Variants in ATRNL1 observed in about 807,000 individuals in gnomAD.
The protein encoded by ATRNL1 is attractin like 1.
A neutral mutation model predicts 182.7 loss-of-function variants in ATRNL1; 95 were observed. The ratio of observed to expected loss-of-function variants is 0.52; its 90% CI spans 0.44 to 0.62. The LOEUF is 0.62. Among genes scored for constraint, ATRNL1 ranks in the 20% least tolerant of loss-of-function variants. ATRNL1 has a pLI of 0.00. For missense variants in ATRNL1, 1,471 were observed against 1,679.5 expected (o/e 0.88, Z 2.17); for synonymous variants, 576 against 568.3 (o/e 1.01, Z -0.19).
chr10:115,200,990 A>AT (rs1239383357), intron 8 of ATRNL1, among the ~76,000 whole-genome samples: 3 of 148,390 alleles, frequency 2.0e-5, no homozygotes, highest in Non-Finnish European at 4.5e-5. Flanking sequence ...GATGATGAGC[A>AT]TTTTTTCATG....
intron 24 of ATRNL1, among the ~76,000 whole-genome samples, chr10:115,493,649 T>C (rs896804302): frequency 5.3e-5 from 8 of 152,196 alleles, no homozygotes; most frequent in African/African-American, 1.4e-4. Flanking sequence ...GATTGCTGGG[T>C]TGAATGGTAG....
At chr10:115,720,549 GTTAATA>G (rs1414367071) in intron 26 of ATRNL1, among the ~76,000 whole-genome samples, 2 of 152,110 alleles carry the variant, frequency 1.3e-5, no homozygotes, top group Non-Finnish European at 2.9e-5. Flanking sequence ...CCCTGCTCTT[GTTAATA>G]TTGACAATTT....
chr10:115,638,173 A>G (rs142889319), intron 26 of ATRNL1, among the ~76,000 whole-genome samples: 1 of 152,132 alleles, frequency 6.6e-6, no homozygotes, highest in African/African-American at 2.4e-5. Context: ...TTTATCCTGT[A>G]TTTTTACTGT....
intron 28 of ATRNL1, among the ~76,000 whole-genome samples, chr10:115,848,247 A>G (rs1950975362): frequency 6.6e-6 from 1 of 152,166 alleles, no homozygotes; most frequent in Admixed American, 6.5e-5. Context: ...ACATGTATGT[A>G]TGTTCCCATT....
At chr10:115,107,782 A>G (rs1844080672) in intron 1 of ATRNL1, among the ~76,000 whole-genome samples, 1 of 152,346 alleles carries the variant, frequency 6.6e-6, no homozygotes, top group Middle Eastern at 3.4e-3. Flanking sequence ...TTTATTTCCT[A>G]TACTTTTCAG....
At chr10:115,847,440 A>T (rs1452381726) in intron 27 of ATRNL1, among the ~76,000 whole-genome samples, 1 of 152,142 alleles carries the variant, frequency 6.6e-6, no homozygotes, top group Admixed American at 6.6e-5. Context: ...TAATTATTTC[A>T]CTATGTATAT....
chr10:115,945,187 C>T lies in ATRNL1; in HGVS notation c.*408C>T, dbSNP rs1472744694. The T allele has an allele frequency of 6.5e-6, 1 of 153,704 alleles. No individual in the cohort carries two copies. Among genetic ancestry groups the T allele is most frequent in the Admixed American group, 6.5e-5 (1 of 15,384 alleles). 9.5% of individuals were successfully genotyped at this position (153,704 alleles called of 1,614,324 possible). ...TTGCCTCATAAGCAAACTTGAATCA[C>T]CTGTGTATGAACAGGGAATGAACAC... On this transcript the variant is annotated 3_prime_UTR_variant, in exon 29 of 29. Coordinates refer to ENST00000355044, the MANE Select transcript of ATRNL1 (RefSeq NM_207303.4).
At chr10:115,207,322 C>T (rs1049124334) in intron 8 of ATRNL1, among the ~76,000 whole-genome samples, 2 of 152,102 alleles carry the variant, frequency 1.3e-5, no homozygotes, top group East Asian at 1.9e-4. Flanking sequence ...AAAAGCATTC[C>T]TATTTCTCCA....
chr10:115,652,839 A>T (rs1860098366), intron 26 of ATRNL1, among the ~76,000 whole-genome samples: 1 of 152,112 alleles, frequency 6.6e-6, no homozygotes, highest in Non-Finnish European at 1.5e-5. Context: ...TTTTAACTAA[A>T]TATTTGTCAT....
intron 27 of ATRNL1, among the ~76,000 whole-genome samples, chr10:115,782,700 C>T (rs1949294749): frequency 6.6e-6 from 1 of 152,142 alleles, no homozygotes; most frequent in African/African-American, 2.4e-5. Context: ...ATCATTTTAC[C>T]TCTCTGACCT....
Position 115,816,490 on chromosome 10 carries a change from C to T in ATRNL1, c.3904-31387C>T, listed in dbSNP as rs1950167960. ...TCGTTAGTAATGTATATATAGCTAA[C>T]AAGTAAGGCCATATATTGTCATTAG... On this transcript the variant is annotated intron_variant, in intron 27 of 28. Transcript: ENST00000355044. Among the ~76,000 whole-genome samples the T allele has an allele frequency of 2.0e-5, 3 of 152,186 alleles. No homozygotes were observed. In the South Asian group the frequency reaches 6.2e-4, roughly 32 times the overall value.
At chr10:115,488,586 A>G (rs782736347) in intron 24 of ATRNL1, among the ~76,000 whole-genome samples, 1 of 151,818 alleles carries the variant, frequency 6.6e-6, no homozygotes, top group Non-Finnish European at 1.5e-5. Context: ...ATCATTTTTT[A>G]TTGTATCTAT....
chr10:115,667,268 C>T (rs1482572367), intron 26 of ATRNL1, among the ~76,000 whole-genome samples: 1 of 152,122 alleles, frequency 6.6e-6, no homozygotes, highest in Non-Finnish European at 1.5e-5. Context: ...CTGCACAACC[C>T]AAGGTATATC....
chr10:115,168,089 T>C (rs1847127183), intron 7 of ATRNL1, among the ~76,000 whole-genome samples: 1 of 152,188 alleles, frequency 6.6e-6, no homozygotes, highest in Non-Finnish European at 1.5e-5. Context: ...ATATACTATG[T>C]ATGTTATGAC....
intron 8 of ATRNL1, among the ~76,000 whole-genome samples, chr10:115,209,046 A>G (rs74908381): frequency 0.035 from 5,350 of 151,962 alleles, 312 homozygotes; most frequent in African/African-American, 0.12. Context: ...AAAAATAAAA[A>G]TGACTCAAAT....
chr10:115,773,564 G>A (rs1949045964), intron 27 of ATRNL1, among the ~76,000 whole-genome samples: 1 of 152,014 alleles, frequency 6.6e-6, no homozygotes, highest in African/African-American at 2.4e-5. Flanking sequence ...CGTAATCTAT[G>A]GTACAAAATG....
At chr10:115,596,023 A>G (rs782231887) in intron 26 of ATRNL1, among the ~76,000 whole-genome samples, 1 of 152,140 alleles carries the variant, frequency 6.6e-6, no homozygotes, top group Non-Finnish European at 1.5e-5. Flanking sequence ...GGTATGAGCT[A>G]TAGTAAGTGT....
chr10:115,277,175 TAAC>T (rs1339525012), intron 13 of ATRNL1, among the ~76,000 whole-genome samples: 9 of 151,952 alleles, frequency 5.9e-5, no homozygotes, highest in Middle Eastern at 3.4e-3. Context: ...TCAGAACAAA[TAAC>T]AATAAGAAAG....
chr10:115,479,834 C>CA (rs1241272554), intron 24 of ATRNL1, among the ~76,000 whole-genome samples: 2 of 151,028 alleles, frequency 1.3e-5, no homozygotes, highest in Non-Finnish European at 3.0e-5. Flanking sequence ...CTAATAACTT[C>CA]AAAAAAAGTG....
Sources: allele counts gnomAD v4.1 joint callset (sites outside exome capture counted in the v4.1 genomes callset), GRCh38; gene constraint gnomAD v4.1.1; transcripts MANE v1.5; gene names NCBI Gene and HGNC (gene_info 2026-07-23, HGNC 2026-07-21).